MAP3K20: variants seen among roughly 807,000 people sequenced by gnomAD.
The protein encoded by MAP3K20 is HCCS-4.
MAP3K20 carries 40 observed loss-of-function variants against 85.7 expected under a neutral mutation model. The observed-to-expected ratio is 0.47, with a 90% CI of 0.36 to 0.61. MAP3K20 has a LOEUF of 0.61. MAP3K20 is among the 20% of genes least tolerant of loss of function. The pLI, the probability that MAP3K20 is intolerant of heterozygous loss-of-function variation, is 0.00. For synonymous variants in MAP3K20, 325 were observed against 327.7 expected, an observed-to-expected ratio of 0.99 and a Z score of 0.09; for missense variants, 817 against 961.7, an observed-to-expected ratio of 0.85 and a Z score of 1.99.
At chr2:173,090,800 G>A in intron 1 of MAP3K20, 198 bp from the exon 2 acceptor site, 1 of 1,217,056 alleles carries the variant, frequency 8.2e-7, no homozygotes, top group Non-Finnish European at 1.0e-6. Context: ...GTCTGGGCAG[G>A]TTGTTGTTGA....
intron 2 of MAP3K20, among the ~76,000 whole-genome samples, chr2:173,133,834 C>A (rs1478338649): frequency 1.3e-5 from 2 of 150,896 alleles, no homozygotes; most frequent in Non-Finnish European, 3.0e-5. Flanking sequence ...AAAAAAAAAT[C>A]CAAAAAATTA....
chr2:173,088,861 CAT>C (rs1390312239), intron 1 of MAP3K20, among the ~76,000 whole-genome samples: 2 of 152,184 alleles, frequency 1.3e-5, no homozygotes, highest in South Asian at 2.1e-4. Flanking sequence ...TGTTGATTCA[CAT>C]ATGTTTATAG....
At chr2:173,102,907 A>T (rs981301477) in intron 2 of MAP3K20, among the ~76,000 whole-genome samples, 5 of 152,046 alleles carry the variant, frequency 3.3e-5, no homozygotes, top group African/African-American at 1.2e-4. Flanking sequence ...CTCTACTAAA[A>T]ATACAAAAAT....
chr2:173,141,635 G>A (rs1688975306), intron 2 of MAP3K20, among the ~76,000 whole-genome samples: 1 of 152,000 alleles, frequency 6.6e-6, no homozygotes. Context: ...GAGAGGGGAT[G>A]GATAGAAAAA....
At chr2:173,229,305 G>A (rs1457503004) in intron 11 of MAP3K20, among the ~76,000 whole-genome samples, 2 of 152,196 alleles carry the variant, frequency 1.3e-5, no homozygotes, top group Admixed American at 6.5e-5. Context: ...TGGTTACTAA[G>A]TGGTTGCTTT....
At chr2:173,110,871 C>T (rs1032285791) in intron 2 of MAP3K20, among the ~76,000 whole-genome samples, 1 of 152,086 alleles carries the variant, frequency 6.6e-6, no homozygotes, top group Non-Finnish European at 1.5e-5. Flanking sequence ...TTGTTTTTGA[C>T]CCAATGCTGC....
intron 9 of MAP3K20, among the ~76,000 whole-genome samples, chr2:173,207,338 A>G (rs1383188009): frequency 5.9e-5 from 9 of 152,126 alleles, no homozygotes; most frequent in Admixed American, 5.9e-4. Flanking sequence ...CTAAAATACA[A>G]AAGATTAGCT....
chr2:173,127,013 T>G (rs1424512675), intron 2 of MAP3K20, among the ~76,000 whole-genome samples: 1 of 152,238 alleles, frequency 6.6e-6, no homozygotes, highest in Admixed American at 6.5e-5. Context: ...GAGTTGGTAT[T>G]GTGGTTTTCT....
chr2:173,248,239 A>G (rs1684965477), intron 16 of MAP3K20, among the ~76,000 whole-genome samples: 1 of 152,104 alleles, frequency 6.6e-6, no homozygotes, highest in Non-Finnish European at 1.5e-5. Flanking sequence ...TTCGTCACAC[A>G]TTTTACAAGT....
intron 2 of MAP3K20, among the ~76,000 whole-genome samples, chr2:173,125,382 G>T (rs1688411448): frequency 6.6e-6 from 1 of 152,188 alleles, no homozygotes. Flanking sequence ...AGCTTGGTGA[G>T]CAGGCTCATC....
intron 16 of MAP3K20, among the ~76,000 whole-genome samples, chr2:173,246,328 C>A (rs16861422): frequency 0.055 from 8,424 of 152,178 alleles, 892 homozygotes; most frequent in East Asian, 0.53. Flanking sequence ...TTAATTCTAC[C>A]TTACCACTAT....
intron 1 of MAP3K20, among the ~76,000 whole-genome samples, chr2:173,090,186 C>A (rs1687252518): frequency 6.6e-6 from 1 of 152,092 alleles, no homozygotes; most frequent in African/African-American, 2.4e-5. Context: ...TCTCACTAAT[C>A]TATGGTTTGG....
In MAP3K20 at chr2:173,183,155, C is replaced by T. The variant is rs117712182; in HGVS notation, c.349+200C>T. 6.9e-3 allele frequency among the ~76,000 whole-genome samples: 1,050 copies of T among 152,172 alleles called. 24 individuals are homozygous for T. The highest frequency in any genetic ancestry group is 0.045 in the Admixed American group (695 of 15,278). Reference sequence around the variant, plus strand: ...CCACTCCTGAATTCCTTTTATCTTCCTCTTAAGACTCTACTTTATTTCTAT... The same window carrying T: ...CCACTCCTGAATTCCTTTTATCTTCTTCTTAAGACTCTACTTTATTTCTAT... On this transcript the variant is annotated intron_variant, in intron 4 of 19. Transcript: ENST00000375213.
intron 2 of MAP3K20, 135 bp downstream of exon 2, chr2:173,091,325 A>G: frequency 1.2e-6 from 1 of 829,826 alleles, no homozygotes; most frequent in Non-Finnish European, 1.8e-6. Flanking sequence ...CCGTTTCCCA[A>G]TTTCCATTCT....
At chr2:173,090,680 G>A (rs1304645132) in intron 1 of MAP3K20, 8 of 1,008,230 alleles carry the variant, frequency 7.9e-6, no homozygotes, top group Non-Finnish European at 9.5e-6. Flanking sequence ...AGGAGACCTG[G>A]TGACACAGTA....
At position 173,266,403 on chromosome 2, in the gene MAP3K20, A is replaced by G. The variant is rs565825340; in HGVS notation, c.2056A>G (p.Ile686Val). ...CAGGAACAAATATGGACGTGGTAGT[A>G]TATCACTCAATTCTTCTCCTAGAGG... is the stretch of plus-strand genomic sequence containing the variant. ...RSRNKYGRGS[I>V]SLNSSPRGRY... The change falls in exon 20 of 20, where the codon ATA becomes GTA. Residue 686 changes from isoleucine to valine, a missense_variant. Around this residue, in one of 4 missense-constraint regions of MAP3K20, gnomAD observed 454 missense variants for 476.9 expected, o/e 0.95. Transcript: ENST00000375213. 62 of 1,614,160 alleles carry G rather than the reference A, an allele frequency of 3.8e-5. No homozygotes were observed. The Middle Eastern group carries it at 6.6e-4, about 17-fold the overall frequency.
At chr2:173,169,946 C>A in intron 3 of MAP3K20, 54 bp downstream of exon 3, 1 of 1,487,634 alleles carries the variant, frequency 6.7e-7, no homozygotes, top group Non-Finnish European at 9.4e-7. Context: ...GCTTTAGATT[C>A]CTTAATATGC....
chr2:173,113,709 C>T (rs1040461666), intron 2 of MAP3K20, among the ~76,000 whole-genome samples: 2 of 151,994 alleles, frequency 1.3e-5, no homozygotes, highest in Non-Finnish European at 2.9e-5. Flanking sequence ...TTTGAAGGTC[C>T]TTTTTGGAGT....
intron 11 of MAP3K20, among the ~76,000 whole-genome samples, chr2:173,219,544 ACTAT>A (rs1162122656): frequency 1.1e-4 from 16 of 152,222 alleles, no homozygotes; most frequent in Admixed American, 6.5e-4. Flanking sequence ...AGTTCCTGAG[ACTAT>A]CTAACAATTG....
Sources: allele counts gnomAD v4.1 joint callset (sites outside exome capture counted in the v4.1 genomes callset), GRCh38; gene constraint gnomAD v4.1.1; regional missense constraint gnomAD v4.1.1; transcripts MANE v1.5; gene names NCBI Gene and HGNC (gene_info 2026-07-23, HGNC 2026-07-21).